The following KIAA0753 variants were observed in gnomAD, a reference collection of about 807,000 sequenced individuals.
The protein encoded by KIAA0753 is KIAA0753.
A neutral mutation model predicts 116.9 loss-of-function variants in KIAA0753; 114 were observed. That is an observed-to-expected ratio of 0.98 (90% CI 0.84 to 1.14). KIAA0753 has a LOEUF of 1.14. KIAA0753 is among the 50% of genes most tolerant of loss of function. KIAA0753 has a pLI of 0.00. For missense variants in KIAA0753, 1,156 were observed against 1,172.4 expected (o/e 0.99, Z 0.20); for synonymous variants, 405 against 413.1 (o/e 0.98, Z 0.24).
intron 10 of KIAA0753, among the ~76,000 whole-genome samples, chr17:6,608,111 T>C (rs1414456355): frequency 1.3e-5 from 2 of 152,332 alleles, no homozygotes; most frequent in South Asian, 2.1e-4. Context: ...TGATATATAA[T>C]TGACACATAT....
At chr17:6,585,530 C>T (rs751352916) in intron 18 of KIAA0753, among the ~76,000 whole-genome samples, 92 of 152,238 alleles carry the variant, frequency 6.0e-4, no homozygotes, top group South Asian at 1.9e-3. Flanking sequence ...TCTCCTAGAA[C>T]GGCTTCTAAT....
intron 7 of KIAA0753, among the ~76,000 whole-genome samples, chr17:6,616,457 G>C (rs1970939837): frequency 6.6e-6 from 1 of 152,160 alleles, no homozygotes; most frequent in Non-Finnish European, 1.5e-5. Context: ...TTAGCAATTA[G>C]ATAATTTGCC....
chr17:6,612,955 G>C (rs1056367124), intron 7 of KIAA0753, among the ~76,000 whole-genome samples: 25 of 152,108 alleles, frequency 1.6e-4, no homozygotes, highest in Non-Finnish European at 3.4e-4. Flanking sequence ...TAATTTGATA[G>C]AGAATAAAGT....
At chr17:6,608,522 T>C (rs969065619) in intron 9 of KIAA0753, 58 bp from the exon 10 acceptor site, 3 of 906,886 alleles carry the variant, frequency 3.3e-6, no homozygotes, top group Non-Finnish European at 4.8e-6. Flanking sequence ...CAATGACTCA[T>C]CCAAGTAGGT....
In KIAA0753 at chr17:6,578,713, GAA is replaced by G. The variant is rs893914852; in HGVS notation, c.*1032_*1033del. 6.6e-6 allele frequency: 1 copy of G among 152,250 alleles called. No homozygotes were observed. The highest frequency in any genetic ancestry group is 2.4e-5 in the African/African-American group (1 of 41,470). The allele number at this position is 152,250 out of a possible 1,614,324, so 9.4% of individuals were successfully genotyped here. A position where few individuals can be genotyped will look rare whatever the true frequency, so the allele number is the denominator to read the frequency against. On this transcript the variant is annotated 3_prime_UTR_variant, in exon 19 of 19. Coordinates refer to ENST00000361413, the MANE Select transcript of KIAA0753 (RefSeq NM_014804.3). Reference sequence around the variant, plus strand: ...CTGAGCCTCAGGCTACGAATTGAGAGAAAGTCTTTCCAGGCAGTGGCCTGATT... The same window carrying G: ...CTGAGCCTCAGGCTACGAATTGAGAGAGTCTTTCCAGGCAGTGGCCTGATT...
At chr17:6,596,666 G>A (rs1188254171) in intron 14 of KIAA0753, among the ~76,000 whole-genome samples, 2 of 152,116 alleles carry the variant, frequency 1.3e-5, no homozygotes, top group Non-Finnish European at 2.9e-5. Context: ...CTACATTCAG[G>A]AGAATGTCCA....
chr17:6,578,491 TTA>T lies in KIAA0753; in HGVS notation c.*1254_*1255del, dbSNP rs1271847275. 2 of 152,210 alleles carry T rather than the reference TTA, an allele frequency of 1.3e-5. No individual in the cohort carries two copies. Among genetic ancestry groups the T allele is most frequent in the African/African-American group, 4.8e-5 (2 of 41,452 alleles). 9.4% of individuals were successfully genotyped at this position (152,210 alleles called of 1,614,324 possible). ...CCTTGAAGCTCTTTACATTCTGAAG[TTA>T]TATAAAATTAAGCAGGAAAACATTA... On this transcript the variant is annotated 3_prime_UTR_variant, in exon 19 of 19. Coordinates refer to ENST00000361413, the MANE Select transcript of KIAA0753 (RefSeq NM_014804.3).
At chr17:6,581,365 G>A (rs1481165021) in intron 18 of KIAA0753, among the ~76,000 whole-genome samples, 2 of 152,132 alleles carry the variant, frequency 1.3e-5, no homozygotes, top group East Asian at 3.9e-4. Context: ...TGCCACAGAA[G>A]GATAGTGTGT....
chr17:6,579,543 T>C lies in KIAA0753; in HGVS notation c.*204A>G. The C allele has an allele frequency of 1.8e-6, 1 of 565,826 alleles. No individual in the cohort carries two copies. Among genetic ancestry groups the C allele is most frequent in the South Asian group, 2.2e-5 (1 of 45,084 alleles). 35.1% of individuals were successfully genotyped at this position (565,826 alleles called of 1,614,324 possible). Reference sequence around the variant, plus strand: ...CTGGGCACTGATAAGTGTGATACATTGCATCATACATTTCCAGAACCATTG... The same window carrying C: ...CTGGGCACTGATAAGTGTGATACATCGCATCATACATTTCCAGAACCATTG... On this transcript the variant is annotated 3_prime_UTR_variant, in exon 19 of 19. Transcript: ENST00000361413.
rs1970568415 is a variant in KIAA0753 at position 6,611,835 on chromosome 17, C to G, written c.1545+84G>C. 1.5e-5 allele frequency: 16 copies of G among 1,093,472 alleles called. No individual in the cohort carries two copies. In the South Asian group the frequency reaches 2.2e-4, roughly 15 times the overall value. 67.7% of individuals were successfully genotyped at this position (1,093,472 alleles called of 1,614,324 possible). ...ACTGCAGCATCCAATTGCCTGAGAA[C>G]TGGCTCCACCATATACCAGTTTATG... is the stretch of plus-strand genomic sequence containing the variant. On this transcript the variant is annotated intron_variant, in intron 8 of 18. Coordinates refer to ENST00000361413, the MANE Select transcript of KIAA0753 (RefSeq NM_014804.3).
chr17:6,588,781 C>T (rs926125764), intron 18 of KIAA0753, among the ~76,000 whole-genome samples: 3 of 152,120 alleles, frequency 2.0e-5, no homozygotes, highest in Admixed American at 1.3e-4. Flanking sequence ...AATAGATTTA[C>T]ACCTATCTTT....
At chr17:6,579,919 A>C in intron 18 of KIAA0753, 55 bp from the exon 19 acceptor site, 6 of 1,334,804 alleles carry the variant, frequency 4.5e-6, no homozygotes, top group Admixed American at 1.7e-5. Context: ...GCGGTGGCTC[A>C]CACCTGTCAT....
intron 4 of KIAA0753, 150 bp from the exon 5 acceptor site, chr17:6,623,721 C>T (rs1276188753): frequency 2.6e-6 from 3 of 1,151,116 alleles, no homozygotes; most frequent in Non-Finnish European, 2.3e-6. Flanking sequence ...TTCATTCATG[C>T]ACCCAAAAAA....
In KIAA0753 at chr17:6,624,881, T is replaced by C. The variant is rs1971565703; in HGVS notation, c.719-20A>G. ...GTCTATCTGAAAATATTAATAGTTT[T>C]CCCCAAAAGTGGATTATAAACCATA... On this transcript the variant is annotated intron_variant, in intron 3 of 18. Transcript: ENST00000361413. The C allele has an allele frequency of 6.8e-7, 1 of 1,464,438 alleles. No individual in the cohort carries two copies. 90.7% of individuals were successfully genotyped at this position (1,464,438 alleles called of 1,614,324 possible).
In KIAA0753 at chr17:6,611,812, T is replaced by G. The variant is rs989400072; in HGVS notation, c.1545+107A>C. On this transcript the variant is annotated intron_variant, in intron 8 of 18. Coordinates refer to ENST00000361413, the MANE Select transcript of KIAA0753 (RefSeq NM_014804.3). ...AACTTAAATAGCCAGACTCAAGGAC[T>G]GCAGCATCCAATTGCCTGAGAACTG... is the stretch of plus-strand genomic sequence containing the variant. 13 of 811,286 alleles carry G rather than the reference T, an allele frequency of 1.6e-5. No homozygotes were observed. In the African/African-American group the frequency reaches 2.2e-4, roughly 14 times the overall value. The allele number at this position is 811,286 out of a possible 1,614,324, so 50.3% of individuals were successfully genotyped here. A position where few individuals can be genotyped will look rare whatever the true frequency, so the allele number is the denominator to read the frequency against.
Position 6,628,732 on chromosome 17 carries a change from G to A in KIAA0753, c.103C>T (p.Gln35Ter), listed in dbSNP as rs1971841835. 23 of 1,588,022 alleles carry A rather than the reference G, an allele frequency of 1.4e-5. No individual in the cohort carries two copies. The highest frequency in any genetic ancestry group is 1.9e-5 in the Non-Finnish European group (22 of 1,167,732). Residue 35 changes from glutamine to a stop codon, truncating the protein, a stop_gained, in exon 3 of 19, where the codon CAG becomes TAG. Transcript: ENST00000361413. LOFTEE classifies it high-confidence loss of function. ...PKVLQTQNQL[Q>*]FNRNVPTHSS... ...TGTGTAGGAACATTCCTATTAAACT[G>A]CAGCTGGTTCTTTAAAAAGCAAATA...
At chr17:6,636,654 T>G (rs11651169) in intron 1 of KIAA0753, 54,234 of 151,914 alleles carry the variant, frequency 0.36, 10,362 homozygotes, top group Non-Finnish European at 0.43. Flanking sequence ...CTGGGGCATC[T>G]CCACGAAAAC....
chr17:6,595,465 A>C (rs1340542713), intron 15 of KIAA0753, among the ~76,000 whole-genome samples: 1 of 152,122 alleles, frequency 6.6e-6, no homozygotes, highest in East Asian at 1.9e-4. Context: ...ACTGGGGTAA[A>C]CTGCGGATCT....
chr17:6,579,961 T>C, intron 18 of KIAA0753, 97 bp from the exon 19 acceptor site: 2 of 799,766 alleles, frequency 2.5e-6, no homozygotes, highest in Admixed American at 3.7e-5. Context: ...GATGGACAGA[T>C]CACCTGAGGT....
Sources: allele counts gnomAD v4.1 joint callset (sites outside exome capture counted in the v4.1 genomes callset), GRCh38; gene constraint gnomAD v4.1.1; transcripts MANE v1.5; gene names NCBI Gene and HGNC (gene_info 2026-07-23, HGNC 2026-07-21).